Variants in ULK4 observed in about 807,000 individuals in gnomAD.
ULK4 encodes unc-51 like kinase 4.
In ULK4, 133 loss-of-function variants were observed where a neutral mutation model predicts 160.6. The ratio of observed to expected loss-of-function variants is 0.83; its 90% CI spans 0.72 to 0.96. The LOEUF is 0.96. ULK4 is among the 40% of genes least tolerant of loss of function. The pLI is 0.00. For missense variants in ULK4, 1,580 were observed against 1,499.5 expected, an observed-to-expected ratio of 1.05 and a Z score of -0.89; for synonymous variants, 534 against 539.8, an observed-to-expected ratio of 0.99 and a Z score of 0.15.
At chr3:41,355,733 G>C (rs1458206630) in intron 35 of ULK4, among the ~76,000 whole-genome samples, 1 of 152,166 alleles carries the variant, frequency 6.6e-6, no homozygotes, top group African/African-American at 2.4e-5. Context: ...CCATGGAATA[G>C]TGCATCACCA....
intron 21 of ULK4, among the ~76,000 whole-genome samples, chr3:41,786,154 A>G (rs1374604084): frequency 1.3e-5 from 2 of 152,172 alleles, no homozygotes; most frequent in African/African-American, 4.8e-5. Context: ...CACTAAAACT[A>G]TCCCAAATTA....
intron 35 of ULK4, among the ~76,000 whole-genome samples, chr3:41,280,806 A>T (rs188745682): frequency 2.8e-3 from 425 of 152,314 alleles, no homozygotes; most frequent in African/African-American, 9.8e-3. Flanking sequence ...AATAACTAAG[A>T]TCAGAGCAGA....
intron 17 of ULK4, among the ~76,000 whole-genome samples, chr3:41,862,249 TTTCAATCTC>T (rs2042515601): frequency 6.6e-6 from 1 of 152,234 alleles, no homozygotes; most frequent in South Asian, 2.1e-4. Flanking sequence ...TTTTTAATTA[TTTCAATCTC>T]TTTGTTAAAT....
rs1700429432 is a variant in ULK4 at position 41,954,820 on chromosome 3, C to A, written c.-48-13G>T. 2 of 1,483,452 alleles carry A rather than the reference C, an allele frequency of 1.3e-6. No individual in the cohort carries two copies. The highest frequency in any genetic ancestry group is 9.1e-7 in the Non-Finnish European group (1 of 1,100,278). 91.9% of individuals were successfully genotyped at this position (1,483,452 alleles called of 1,614,324 possible). ...GCATCTCTAGCTCCTAAGAAGTAAA[C>A]AAAAATGACATTGATAAATGCAAGT... is the stretch of plus-strand genomic sequence containing the variant. On this transcript the variant is annotated splice_polypyrimidine_tract_variant and intron_variant, in intron 1 of 36. Coordinates refer to ENST00000301831, the MANE Select transcript of ULK4 (RefSeq NM_017886.4).
At chr3:41,524,308 T>C (rs936410142) in intron 32 of ULK4, among the ~76,000 whole-genome samples, 1 of 152,232 alleles carries the variant, frequency 6.6e-6, no homozygotes, top group African/African-American at 2.4e-5. Context: ...AGTGGCTGTA[T>C]GGTAGTGAAA....
At chr3:41,488,488 G>A (rs750760802) in intron 32 of ULK4, among the ~76,000 whole-genome samples, 26 of 152,138 alleles carry the variant, frequency 1.7e-4, no homozygotes, top group Admixed American at 3.3e-4. Context: ...AACTTCATAC[G>A]CTTCTGCATT....
chr3:41,611,397 C>T (rs2032670212), intron 31 of ULK4, among the ~76,000 whole-genome samples: 1 of 152,114 alleles, frequency 6.6e-6, no homozygotes, highest in Admixed American at 6.5e-5. Flanking sequence ...TGCCAAACAC[C>T]AGGAAACTTG....
intron 35 of ULK4, among the ~76,000 whole-genome samples, chr3:41,329,829 A>G (rs1162850638): frequency 6.6e-6 from 1 of 152,254 alleles, no homozygotes; most frequent in East Asian, 1.9e-4. Context: ...GTGAAAAAAT[A>G]AAGCTCTTCA....
In ULK4 at chr3:41,566,139, GATC is replaced by G; in HGVS notation, c.3121-12_3121-10del. On this transcript the variant is annotated splice_polypyrimidine_tract_variant and intron_variant, in intron 31 of 36. Transcript: ENST00000301831. ...ATGCTCTCCTGATGTTCCTGCAATA[GATC>G]ATAATTTCCATCATAACCATACAGA... The G allele has an allele frequency of 2.5e-6, 4 of 1,602,476 alleles. No homozygotes were observed. Among genetic ancestry groups the G allele is most frequent in the Non-Finnish European group, 3.4e-6 (4 of 1,172,266 alleles).
intron 2 of ULK4, among the ~76,000 whole-genome samples, chr3:41,943,024 T>A (rs1460429563): frequency 6.6e-6 from 1 of 151,686 alleles, no homozygotes; most frequent in African/African-American, 2.4e-5. Flanking sequence ...CCATCCTGGC[T>A]AATATGGTGA....
Position 41,806,389 on chromosome 3 carries a change from G to A in ULK4, c.1849-6096C>T, listed in dbSNP as rs184805491. Among the ~76,000 whole-genome samples, 196 of 152,016 alleles carry A rather than the reference G, an allele frequency of 1.3e-3. 1 individual carries two copies. Among genetic ancestry groups the A allele is most frequent in the Admixed American group, 3.9e-3 (60 of 15,278 alleles). Reference sequence around the variant, plus strand: ...TTCTTCTCTCTTTTCTTCTTTATTAGTCTTGCTAGTGGTCTATCAGTTTTG... The same window carrying A: ...TTCTTCTCTCTTTTCTTCTTTATTAATCTTGCTAGTGGTCTATCAGTTTTG... On this transcript the variant is annotated intron_variant, in intron 19 of 36. Transcript: ENST00000301831.
rs1165381982 is a variant in ULK4 at position 41,420,475 on chromosome 3, C to CTTTTTTTTTTTTTTTTTTTTTT, written c.3493-22233_3493-22212dup. Among the ~76,000 whole-genome samples, 196 of 41,188 alleles carry CTTTTTTTTTTTTTTTTTTTTTT rather than the reference C, an allele frequency of 4.8e-3. 25 individuals carry two copies. Among genetic ancestry groups the CTTTTTTTTTTTTTTTTTTTTTT allele is most frequent in the Non-Finnish European group, 5.2e-3 (127 of 24,336 alleles). The allele number at this position is 41,188 out of a possible 152,430, so 27.0% of individuals were successfully genotyped here. A position where few individuals can be genotyped will look rare whatever the true frequency, so the allele number is the denominator to read the frequency against. On this transcript the variant is annotated intron_variant, in intron 34 of 36. Coordinates refer to ENST00000301831, the MANE Select transcript of ULK4 (RefSeq NM_017886.4). ...GGATTTTTCAGTTTTCCAGTTCTTT[C>CTTTTTTTTTTTTTTTTTTTTTT]TTTTTTTTTTTTTTTTTTTTTTTTT...
intron 21 of ULK4, among the ~76,000 whole-genome samples, chr3:41,754,878 T>C (rs950679301): frequency 2.0e-5 from 3 of 152,170 alleles, no homozygotes; most frequent in Non-Finnish European, 4.4e-5. Flanking sequence ...CATGTAGATA[T>C]AAATCTCTGA....
chr3:41,339,628 A>T (rs2080639806), intron 35 of ULK4, among the ~76,000 whole-genome samples: 1 of 152,184 alleles, frequency 6.6e-6, no homozygotes, highest in South Asian at 2.1e-4. Context: ...GGTGAGGGCC[A>T]GGTGGAATGG....
intron 20 of ULK4, among the ~76,000 whole-genome samples, chr3:41,794,754 C>T (rs549195162): frequency 1.3e-4 from 19 of 149,076 alleles, no homozygotes; most frequent in South Asian, 8.5e-4. Flanking sequence ...TCATTAGAGG[C>T]GAGAGAGCAG....
At chr3:41,666,204 C>T (rs1575547221) in intron 29 of ULK4, among the ~76,000 whole-genome samples, 1 of 152,276 alleles carries the variant, frequency 6.6e-6, no homozygotes, top group African/African-American at 2.4e-5. Context: ...ACCTTAGTTT[C>T]CCAGTCTCTA....
intron 35 of ULK4, among the ~76,000 whole-genome samples, chr3:41,315,611 G>T (rs1290353650): frequency 6.6e-6 from 1 of 152,104 alleles, no homozygotes; most frequent in Non-Finnish European, 1.5e-5. Flanking sequence ...TCAACCACAG[G>T]CCTCTCCATC....
At chr3:41,344,831 T>C (rs1230163822) in intron 35 of ULK4, among the ~76,000 whole-genome samples, 1 of 145,748 alleles carries the variant, frequency 6.9e-6, no homozygotes, top group Non-Finnish European at 1.5e-5. Context: ...AAAGAAACTA[T>C]AATCAGAGTG....
At chr3:41,256,118 T>C (rs955548659) in intron 35 of ULK4, among the ~76,000 whole-genome samples, 1 of 152,182 alleles carries the variant, frequency 6.6e-6, no homozygotes, top group African/African-American at 2.4e-5. Flanking sequence ...AATAAAAATT[T>C]CTTCCAAAAT....
Sources: gnomAD v4.1 joint callset for allele counts (sites outside exome capture counted in the v4.1 genomes callset) on GRCh38, gnomAD v4.1.1 for gene constraint, MANE v1.5 for transcripts, NCBI Gene and HGNC (gene_info 2026-07-23, HGNC 2026-07-21) for gene names.